GPR158: variants seen among roughly 807,000 people sequenced by gnomAD.
The protein encoded by GPR158 is G protein-coupled receptor 158, also known as metabotropic glycine receptor.
GPR158 carries 30 observed loss-of-function variants against 78.2 expected under a neutral mutation model. The ratio of observed to expected loss-of-function variants is 0.38; its 90% CI spans 0.29 to 0.52. The LOEUF (loss-of-function observed/expected upper bound fraction) is 0.52. Among genes scored for constraint, GPR158 ranks in the 20% least tolerant of loss-of-function variants. The pLI is 0.83. For synonymous variants in GPR158, 581 were observed against 591.1 expected, an observed-to-expected ratio of 0.98 and a Z score of 0.25; for missense variants, 1,463 against 1,523.5, an observed-to-expected ratio of 0.96 and a Z score of 0.66.
intron 2 of GPR158, among the ~76,000 whole-genome samples, chr10:25,275,844 A>G (rs1029330793): frequency 3.3e-5 from 5 of 152,112 alleles, no homozygotes; most frequent in Non-Finnish European, 7.3e-5. Flanking sequence ...TCATACTCCT[A>G]ATTATTGAAG....
At chr10:25,461,084 TC>T (rs1221538137) in intron 4 of GPR158, among the ~76,000 whole-genome samples, 2 of 152,188 alleles carry the variant, frequency 1.3e-5, no homozygotes, top group East Asian at 3.9e-4. Flanking sequence ...TCCTCAGCCC[TC>T]CTTATTCCCT....
intron 4 of GPR158, among the ~76,000 whole-genome samples, chr10:25,453,466 T>G (rs1399331031): frequency 6.6e-6 from 1 of 152,170 alleles, no homozygotes; most frequent in Non-Finnish European, 1.5e-5. Context: ...TCTTGTATCT[T>G]TGTTTTTCTT....
At chr10:25,376,722 T>C (rs113830982) in intron 2 of GPR158, among the ~76,000 whole-genome samples, 30 of 151,842 alleles carry the variant, frequency 2.0e-4, no homozygotes, top group African/African-American at 7.2e-4. Context: ...TCTGAAAATA[T>C]CTTTATTTAA....
At chr10:25,482,220 A>G (rs1415574396) in intron 5 of GPR158, among the ~76,000 whole-genome samples, 4 of 151,822 alleles carry the variant, frequency 2.6e-5, no homozygotes, top group African/African-American at 7.3e-5. Flanking sequence ...GTCTCACTCT[A>G]TTGCCCAGGC....
At chr10:25,588,543 TCTTTA>T (rs891514138) in intron 7 of GPR158, among the ~76,000 whole-genome samples, 2 of 152,240 alleles carry the variant, frequency 1.3e-5, no homozygotes, top group African/African-American at 2.4e-5. Context: ...GGCAATGTTA[TCTTTA>T]CTTATTGTAC....
In GPR158 at chr10:25,176,415, C is replaced by T. The variant is rs1852534665; in HGVS notation, c.902+93C>T. On this transcript the variant is annotated intron_variant, in intron 1 of 10. Transcript: ENST00000376351. The surrounding 1 kb of genome is among the most constrained non-coding windows in gnomAD (Gnocchi z 6.3). ...GCACGTGTGAGGAAGGAACCCTTGG[C>T]TGTGACGCGAACGCTTCTCACCCTC... 6.0e-6 allele frequency: 6 copies of T among 998,642 alleles called. 1 individual carries two copies. The South Asian group carries it at 1.0e-4, about 17-fold the overall frequency. The allele number at this position is 998,642 out of a possible 1,614,324, so 61.9% of individuals were successfully genotyped here. A position where few individuals can be genotyped will look rare whatever the true frequency, so the allele number is the denominator to read the frequency against.
intron 2 of GPR158, among the ~76,000 whole-genome samples, chr10:25,339,017 TTTC>T (rs1855265539): frequency 2.0e-5 from 3 of 149,978 alleles, no homozygotes; most frequent in Non-Finnish European, 3.0e-5. Flanking sequence ...TCTTTCTTTC[TTTC>T]TTTTTTTTTT....
At chr10:25,252,611 C>A (rs1213397797) in intron 2 of GPR158, among the ~76,000 whole-genome samples, 1,749 of 152,038 alleles carry the variant, frequency 0.012, 31 homozygotes, top group African/African-American at 0.04. Context: ...GGGGTGCCTC[C>A]CAGTTAGGCT....
chr10:25,288,326 A>G (rs1854382363), intron 2 of GPR158, among the ~76,000 whole-genome samples: 1 of 152,210 alleles, frequency 6.6e-6, no homozygotes, highest in African/African-American at 2.4e-5. Context: ...AATTCTGAAG[A>G]GCATCTAGTC....
chr10:25,574,555 T>C (rs979014716), intron 7 of GPR158, among the ~76,000 whole-genome samples: 1 of 152,188 alleles, frequency 6.6e-6, no homozygotes, highest in Non-Finnish European at 1.5e-5. Context: ...GTAATGTTTA[T>C]ATTACTGTAA....
intron 7 of GPR158, among the ~76,000 whole-genome samples, chr10:25,584,451 G>A (rs183423728): frequency 3.3e-5 from 5 of 152,192 alleles, no homozygotes; most frequent in Admixed American, 1.3e-4. Context: ...ATGTTCAACC[G>A]AGCTGTTATG....
chr10:25,278,136 GT>G (rs1854211862), intron 2 of GPR158, among the ~76,000 whole-genome samples: 2 of 152,030 alleles, frequency 1.3e-5, no homozygotes, highest in Non-Finnish European at 2.9e-5. Flanking sequence ...ATGACAACAG[GT>G]TTAGATTTTA....
At chr10:25,283,625 C>T (rs1328615068) in intron 2 of GPR158, among the ~76,000 whole-genome samples, 1 of 151,756 alleles carries the variant, frequency 6.6e-6, no homozygotes, top group Admixed American at 6.6e-5. Context: ...TTGATTTTTG[C>T]TCATATTTTT....
At chr10:25,446,838 C>T (rs1200515992) in intron 4 of GPR158, among the ~76,000 whole-genome samples, 3 of 152,090 alleles carry the variant, frequency 2.0e-5, no homozygotes, top group African/African-American at 7.2e-5. Flanking sequence ...CTACATCAGC[C>T]GTAGGACAAC....
intron 2 of GPR158, among the ~76,000 whole-genome samples, chr10:25,367,935 A>G (rs778860034): frequency 1.3e-5 from 2 of 151,854 alleles, no homozygotes; most frequent in Non-Finnish European, 2.9e-5. Flanking sequence ...AGTGATTGTA[A>G]TAAACAGGCT....
intron 6 of GPR158, among the ~76,000 whole-genome samples, chr10:25,557,098 G>A (rs912137919): frequency 6.6e-6 from 1 of 152,166 alleles, no homozygotes; most frequent in South Asian, 2.1e-4. Flanking sequence ...ATTAATCGAG[G>A]AAGCACTAGT....
At chr10:25,193,750 C>T (rs1852806749) in intron 1 of GPR158, among the ~76,000 whole-genome samples, 1 of 152,048 alleles carries the variant, frequency 6.6e-6, no homozygotes, top group Non-Finnish European at 1.5e-5. Flanking sequence ...GCCTTCCTGC[C>T]CACTGCCTCC....
intron 3 of GPR158, among the ~76,000 whole-genome samples, chr10:25,399,965 AGCT>A (rs1834418293): frequency 1.3e-5 from 2 of 152,310 alleles, no homozygotes. Context: ...CCAACATATG[AGCT>A]AACATGGAAA....
At chr10:25,375,807 A>C (rs890499754) in intron 2 of GPR158, among the ~76,000 whole-genome samples, 1 of 151,566 alleles carries the variant, frequency 6.6e-6, no homozygotes, top group African/African-American at 2.4e-5. Context: ...AATGAGTTAT[A>C]ATATTGAATA....
Sources: allele counts gnomAD v4.1 joint callset (sites outside exome capture counted in the v4.1 genomes callset), GRCh38; gene constraint gnomAD v4.1.1; non-coding constraint Gnocchi (gnomAD v3.1); transcripts MANE v1.5; gene names NCBI Gene and HGNC (gene_info 2026-07-23, HGNC 2026-07-21).